The following SECISBP2 variants were observed in gnomAD, a reference collection of about 807,000 sequenced individuals.
SECISBP2 encodes SECIS binding protein 2.
SECISBP2 carries 96 observed loss-of-function variants against 98.2 expected under a neutral mutation model. The ratio of observed to expected loss-of-function variants is 0.98; its 90% CI spans 0.83 to 1.16. The LOEUF (loss-of-function observed/expected upper bound fraction) is 1.16. Among genes scored for constraint, SECISBP2 ranks in the 50% most tolerant of loss-of-function variants. The pLI is 0.00. For synonymous variants in SECISBP2, 407 were observed against 370.2 expected, an observed-to-expected ratio of 1.10 and a Z score of -1.14; for missense variants, 1,046 against 1,022.9, an observed-to-expected ratio of 1.02 and a Z score of -0.31.
At position 89,358,799 on chromosome 9, in the gene SECISBP2, C is replaced by G; in HGVS notation, c.2540C>G (p.Ser847Cys). 6.2e-7 allele frequency: 1 copy of G among 1,612,596 alleles called. No individual in the cohort carries two copies. The highest frequency in any genetic ancestry group is 8.5e-7 in the Non-Finnish European group (1 of 1,178,598). Residue 847 changes from serine (S) to cysteine (C), a missense_variant, in exon 17 of 17, where the codon TCT (serine) becomes TGT (cysteine). Ser to Cys is a moderately radical substitution (Grantham distance 112). Transcript: ENST00000375807. ...ELEESLEAST[S>C]QMMNLNL ...GAAGAATCCTTGGAGGCTTCAACCT[C>G]TCAAATGATGAATTTGAATTTATGA...
Position 89,349,781 on chromosome 9 carries a change from G to A in SECISBP2, c.1744G>A (p.Glu582Lys). ...FPEQAELSGP[E>K]GMDELISTPS... Reference sequence around the variant, plus strand: ...TGCCTTTTTCCTCCATGAAGGGCCAGAGGGGATGGACGAACTGATCTCCAC... The same window carrying A: ...TGCCTTTTTCCTCCATGAAGGGCCAAAGGGGATGGACGAACTGATCTCCAC... The change falls in exon 13 of 17, where the codon GAG becomes AAG. Residue 582 changes from glutamate (E) to lysine (K), a missense_variant. By Grantham distance (56) the Glu-to-Lys change is moderately conservative. Transcript: ENST00000375807. 3 of 1,614,228 alleles carry A rather than the reference G, an allele frequency of 1.9e-6. No homozygotes were observed. The highest frequency in any genetic ancestry group is 1.1e-5 in the South Asian group (1 of 91,076).
At chr9:89,347,673 C>G (rs539875088) in intron 11 of SECISBP2, among the ~76,000 whole-genome samples, 1 of 152,054 alleles carries the variant, frequency 6.6e-6, no homozygotes, top group South Asian at 2.1e-4. Flanking sequence ...GAGACGAGGT[C>G]TCATCACCAT....
intron 5 of SECISBP2, chr9:89,329,105 CGTTTTGTTTT>C (rs147815963): frequency 1.6e-5 from 9 of 560,006 alleles, no homozygotes; most frequent in East Asian, 3.0e-5. Context: ...TTTATTTGTG[CGTTTTGTTTT>C]GTTTTGTTTT....
chr9:89,334,825 C>G (rs1330569974), intron 7 of SECISBP2, 95 bp downstream of exon 7: 1 of 945,926 alleles, frequency 1.1e-6, no homozygotes, highest in African/African-American at 1.6e-5. Context: ...TAGAGAGTTT[C>G]AGTTTTGCTA....
At chr9:89,344,115 T>G (rs1830092831) in intron 10 of SECISBP2, among the ~76,000 whole-genome samples, 1 of 152,264 alleles carries the variant, frequency 6.6e-6, no homozygotes, top group Non-Finnish European at 1.5e-5. Context: ...CACGTGTATG[T>G]CTCTTGAAAA....
intron 16 of SECISBP2, 136 bp from the exon 17 acceptor site, chr9:89,358,585 C>A: frequency 1.4e-6 from 1 of 723,950 alleles, no homozygotes; most frequent in African/African-American, 1.7e-5. Context: ...GAGTGAATGT[C>A]TGCCAGGGCA....
In SECISBP2 at chr9:89,339,971, A is replaced by C; in HGVS notation, c.1302+18A>C. The C allele has an allele frequency of 6.4e-7, 1 of 1,559,092 alleles. No homozygotes were observed. The highest frequency in any genetic ancestry group is 8.8e-7 in the Non-Finnish European group (1 of 1,130,510). The stretch of plus-strand genomic sequence containing the variant: ...AGCCACAGGTAATTTTTAGATTGAA[A>C]CCACAAATTGCTTTAGGCTTAACTC... On this transcript the variant is annotated intron_variant, in intron 9 of 16. Transcript: ENST00000375807.
At chr9:89,330,054 A>G (rs562255000) in intron 5 of SECISBP2, 1 of 152,350 alleles carries the variant, frequency 6.6e-6, no homozygotes, top group South Asian at 2.1e-4. Context: ...GATGTTGATG[A>G]AAAAAGGAAT....
At chr9:89,364,090 G>C, downstream of SECISBP2, 1 of 1,546,054 alleles carries the variant, frequency 6.5e-7, no homozygotes, top group Non-Finnish European at 8.7e-7. Context: ...CAGTCCCTGG[G>C]ACTGCCCTGG....
At chr9:89,366,484 T>C in the SECISBP2 span, among the ~76,000 whole-genome samples, 1 of 152,258 alleles carries the variant, frequency 6.6e-6, no homozygotes, top group African/African-American at 2.4e-5. Context: ...GGACAAGCCC[T>C]TGTGAACAGG....
At chr9:89,361,462 A>G (rs957625658), downstream of SECISBP2, 2 of 152,228 alleles carry the variant, frequency 1.3e-5, no homozygotes, top group South Asian at 2.1e-4. Flanking sequence ...TCAACAGACA[A>G]GAAGAGACGT....
At chr9:89,354,977 A>G in intron 14 of SECISBP2, 1 of 985,392 alleles carries the variant, frequency 1.0e-6, no homozygotes, top group Non-Finnish European at 1.2e-6. Context: ...CCCATCTGGA[A>G]CTGGTCTTTT....
intron 3 of SECISBP2, 46 bp from the exon 4 acceptor site, chr9:89,325,851 T>C: frequency 1.2e-6 from 2 of 1,612,626 alleles, no homozygotes; most frequent in African/African-American, 2.7e-5. Flanking sequence ...AAACCTTTTT[T>C]ATAGTGGTGG....
chr9:89,344,407 G>C (rs1830136099), intron 10 of SECISBP2, among the ~76,000 whole-genome samples: 1 of 152,170 alleles, frequency 6.6e-6, no homozygotes, highest in Non-Finnish European at 1.5e-5. Flanking sequence ...AAATGGTATT[G>C]CCTGGGTTGT....
At chr9:89,354,203 T>A (rs1209075699) in intron 14 of SECISBP2, among the ~76,000 whole-genome samples, 1 of 152,198 alleles carries the variant, frequency 6.6e-6, no homozygotes, top group Non-Finnish European at 1.5e-5. Context: ...AGCAAAACAG[T>A]CTGGATTTTG....
downstream of SECISBP2, chr9:89,362,329 G>A (rs1588041693): frequency 1.1e-5 from 18 of 1,613,338 alleles, no homozygotes; most frequent in South Asian, 7.7e-5. Flanking sequence ...GGCCTTCTCC[G>A]GGGGTGGCTG....
chr9:89,327,051 AC>A (rs1564333909), intron 4 of SECISBP2, among the ~76,000 whole-genome samples: 1 of 151,804 alleles, frequency 6.6e-6, no homozygotes, highest in East Asian at 1.9e-4. Context: ...AGTTCCAGCT[AC>A]TCGGGAGGCT....
chr9:89,348,811 C>T lies in SECISBP2; in HGVS notation c.1738+597C>T, dbSNP rs1830823354. Among the ~76,000 whole-genome samples the T allele has an allele frequency of 2.6e-5, 4 of 152,270 alleles. No individual in the cohort carries two copies. The South Asian group carries it at 8.3e-4, about 32-fold the overall frequency. On this transcript the variant is annotated intron_variant, in intron 12 of 16. Coordinates refer to ENST00000375807, the MANE Select transcript of SECISBP2 (RefSeq NM_024077.5). ...TAGTGCAACTGTGTGTTACGTGCTG[C>T]TCTCTTTGTCCCCTTTCCTTCAGCC...
chr9:89,332,698 G>C lies in SECISBP2; in HGVS notation c.802-210G>C. On this transcript the variant is annotated intron_variant, in intron 5 of 16. Transcript: ENST00000375807. ...CTTTGGATAATTACCAAGGAGTGCA[G>C]TGGCTAAATCATATGGTAAGAGTAT... The C allele has an allele frequency of 5.2e-6, 3 of 581,096 alleles. No homozygotes were observed. In the South Asian group the frequency reaches 6.0e-5, roughly 12 times the overall value. The allele number at this position is 581,096 out of a possible 1,614,324, so 36.0% of individuals were successfully genotyped here. A position where few individuals can be genotyped will look rare whatever the true frequency, so the allele number is the denominator to read the frequency against.
Sources: gnomAD v4.1 joint callset for allele counts (sites outside exome capture counted in the v4.1 genomes callset) on GRCh38, gnomAD v4.1.1 for gene constraint, MANE v1.5 for transcripts, NCBI Gene and HGNC (gene_info 2026-07-23, HGNC 2026-07-21) for gene names.